ARAF: variants seen among roughly 807,000 people sequenced by gnomAD.
ARAF encodes A-Raf proto-oncogene, serine/threonine kinase, also known as serine/threonine-protein kinase A-Raf.
ARAF carries 18 observed loss-of-function variants against 48.0 expected under a neutral mutation model. That is an observed-to-expected ratio of 0.37 (90% confidence interval 0.26 to 0.56). The LOEUF is 0.56. Among genes scored for constraint, ARAF ranks in the 20% least tolerant of loss-of-function variants. The probability of loss-of-function intolerance (pLI) is 0.77; values close to 1 mark genes in which losing one functional copy is unlikely to be tolerated. For missense variants in ARAF, 389 were observed against 543.1 expected (o/e 0.72, Z 2.82); for synonymous variants, 207 against 220.1 (o/e 0.94, Z 0.53).
intron 1 of ARAF, among the ~76,000 whole-genome samples, chrX:47,561,979 C>A (rs951542034): frequency 6.1e-5 from 6 of 98,913 alleles, no homozygotes; most frequent in Admixed American, 2.2e-4. Context: ...ACCCCCCCCC[C>A]CCATGAATTC....
rs746605740 is a variant in ARAF at position 47,570,928 on chromosome X, C to G, written c.1602C>G (p.Ile534Met). Reference protein sequence around the residue: ...RGYLSPDLSKISSNCPKAMRR... With the variant: ...RGYLSPDLSKMSSNCPKAMRR... ...ATCTGTCCCCGGACCTCAGCAAAAT[C>G]TCCAGCAACTGCCCCAAGGCCATGC... Residue 534 changes from isoleucine (I) to methionine (M), a missense_variant, in exon 15 of 16, where the codon ATC becomes ATG. By Grantham distance (10) the Ile-to-Met change is conservative (BLOSUM62 1). Coordinates refer to ENST00000377045, the MANE Select transcript of ARAF (RefSeq NM_001654.5). The G allele has an allele frequency of 5.0e-6, 6 of 1,211,912 alleles. 1 individual carries two copies. In the South Asian group the frequency reaches 1.1e-4, roughly 21 times the overall value.
chrX:47,563,436 C>T, intron 3 of ARAF, 107 bp downstream of exon 3: 1 of 633,401 alleles, frequency 1.6e-6, no homozygotes, highest in Non-Finnish European at 2.5e-6. Context: ...CATTAGTCTT[C>T]CCTTAGTCTT....
At chrX:47,569,102 G>T in intron 12 of ARAF, 69 bp downstream of exon 12, 1 of 1,125,585 alleles carries the variant, frequency 8.9e-7, no homozygotes, top group Non-Finnish European at 1.2e-6. Context: ...CTCTTGTGGG[G>T]GTTCTGGGAA....
At chrX:47,565,517 C>A (rs1222859093) in intron 6 of ARAF, 167 bp downstream of exon 6, 19 of 812,680 alleles carry the variant, frequency 2.3e-5, no homozygotes, top group East Asian at 3.5e-5. Flanking sequence ...CACCTCATTT[C>A]TCTGGGCCTC....
rs1444734938 is a variant in ARAF at position 47,562,933 on chromosome X, C to T, written c.-35C>T. ...GGAGCCCCATGGCACCTGCCCAGCC[C>T]CACCTCAGCCCATCTTGACAAAATC... On this transcript the variant is annotated 5_prime_UTR_variant, in exon 2 of 16. Coordinates refer to ENST00000377045, the MANE Select transcript of ARAF (RefSeq NM_001654.5). 9.2e-7 allele frequency: 1 copy of T among 1,090,443 alleles called. No individual in the cohort carries two copies. 89.9% of individuals were successfully genotyped at this position (1,090,443 alleles called of 1,213,427 possible).
intron 15 of ARAF, 42 bp from the exon 16 acceptor site, chrX:47,571,281 A>C: frequency 8.4e-7 from 1 of 1,185,287 alleles, no homozygotes. Context: ...TGGGATGCCC[A>C]CAGGGCTCTG....
At position 47,569,951 on chromosome X, in the gene ARAF, A is replaced by G; in HGVS notation, c.1478A>G (p.Tyr493Cys). 1.7e-6 allele frequency: 2 copies of G among 1,205,388 alleles called. No homozygotes were observed. Among genetic ancestry groups the G allele is most frequent in the Non-Finnish European group, 2.2e-6 (2 of 892,669 alleles). The change falls in exon 14 of 16, where the codon TAT becomes TGT. Residue 493 changes from tyrosine to cysteine, a missense_variant. Physicochemically the swap from Tyr to Cys is radical, Grantham distance 194 (BLOSUM62 -2). Coordinates refer to ENST00000377045, the MANE Select transcript of ARAF (RefSeq NM_001654.5). ...PNPYSFQSDV[Y>C]AYGVVLYELM... ...CCCTACAGCTTCCAGTCAGACGTCT[A>G]TGCCTACGGGGTTGTGCTCTACGAG...
intron 15 of ARAF, 111 bp from the exon 16 acceptor site, chrX:47,571,212 G>T (rs1603048324): frequency 8.7e-6 from 5 of 577,771 alleles, no homozygotes; most frequent in Non-Finnish European, 9.1e-6. Flanking sequence ...GGGACTGTTG[G>T]GTGTGTGTGT....
intron 7 of ARAF, 37 bp downstream of exon 7, chrX:47,566,817 G>A (rs2147905821): frequency 8.3e-7 from 1 of 1,211,671 alleles, no homozygotes; most frequent in Non-Finnish European, 1.1e-6. Flanking sequence ...GGACCACAGG[G>A]CAGAGGGTAG....
At chrX:47,567,176 C>T (rs772778169) in intron 9 of ARAF, 45 bp downstream of exon 9, 16 of 1,207,897 alleles carry the variant, frequency 1.3e-5, no homozygotes, top group African/African-American at 3.5e-5. Flanking sequence ...GGCTGAGTGA[C>T]GTGGGATGAG....
intron 2 of ARAF, 35 bp from the exon 3 acceptor site, chrX:47,563,191 G>A (rs1032063477): frequency 7.6e-6 from 9 of 1,177,377 alleles, no homozygotes; most frequent in Middle Eastern, 2.3e-4. Flanking sequence ...CTTCTGTTGG[G>A]CATTGAGGAC....
Position 47,569,573 on chromosome X carries a change from C to T in ARAF, c.1335C>T (p.Ile445=), listed in dbSNP as rs758399040. The change falls in exon 13 of 16, where the codon ATC becomes ATT. Residue 445 remains isoleucine, a synonymous_variant. Coordinates refer to ENST00000377045, the MANE Select transcript of ARAF (RefSeq NM_001654.5). ...TACATGAGGGGCTCACGGTGAAGAT[C>T]GGTGACTTTGGCTTGGCCACAGTGA... ...IFLHEGLTVK[I]GDFGLATVKT... 2.5e-5 allele frequency: 30 copies of T among 1,207,192 alleles called. No individual in the cohort carries two copies. The highest frequency in any genetic ancestry group is 2.3e-4 in the Middle Eastern group (1 of 4,364).
intron 12 of ARAF, 104 bp from the exon 13 acceptor site, chrX:47,569,435 A>G: frequency 1.5e-6 from 1 of 658,164 alleles, no homozygotes; most frequent in Non-Finnish European, 2.4e-6. Context: ...GCTCCTGGTC[A>G]GGATCAGAGG....
At chrX:47,568,696 A>G in intron 10 of ARAF, 22 bp from the exon 11 acceptor site, 1 of 1,205,767 alleles carries the variant, frequency 8.3e-7, no homozygotes, top group Non-Finnish European at 1.1e-6. Flanking sequence ...CCCACCTCTG[A>G]CACTGCCCTC....
At chrX:47,561,552 T>C (rs991481297) in intron 1 of ARAF, among the ~76,000 whole-genome samples, 73 of 111,158 alleles carry the variant, frequency 6.6e-4, no homozygotes, top group African/African-American at 2.3e-3. Flanking sequence ...CGGGATTCCG[T>C]CTTAACCCCC....
chrX:47,562,928 C>T lies in ARAF; in HGVS notation c.-40C>T. The T allele has an allele frequency of 9.3e-7, 1 of 1,071,846 alleles. No individual in the cohort carries two copies. Among genetic ancestry groups the T allele is most frequent in the Non-Finnish European group, 1.2e-6 (1 of 800,316 alleles). The allele number at this position is 1,071,846 out of a possible 1,213,427, so 88.3% of individuals were successfully genotyped here. ...TTGTAGGAGCCCCATGGCACCTGCC[C>T]AGCCCCACCTCAGCCCATCTTGACA... is the stretch of plus-strand genomic sequence containing the variant. On this transcript the variant is annotated 5_prime_UTR_variant, in exon 2 of 16. The change creates a premature stop within an existing upstream ORF in the 5' untranslated region. Transcript: ENST00000377045.
chrX:47,567,547 C>T (rs2057739202), intron 10 of ARAF, 115 bp downstream of exon 10: 2 of 846,364 alleles, frequency 2.4e-6, no homozygotes, highest in Non-Finnish European at 3.3e-6. Context: ...GTTGTTAAAC[C>T]ATCATCAGAA....
At chrX:47,564,952 C>T in intron 4 of ARAF, 33 bp from the exon 5 acceptor site, 1 of 1,211,458 alleles carries the variant, frequency 8.3e-7, no homozygotes, top group Non-Finnish European at 1.1e-6. Flanking sequence ...TGTCCTTGAC[C>T]AGGTCTCAAA....
chrX:47,563,149 G>C, intron 2 of ARAF, 77 bp from the exon 3 acceptor site: 2 of 1,150,335 alleles, frequency 1.7e-6, no homozygotes, highest in African/African-American at 1.8e-5. Flanking sequence ...GTTGGGGGAG[G>C]CCTTTGCAGA....
Sources: gnomAD v4.1 joint callset for allele counts (sites outside exome capture counted in the v4.1 genomes callset) on GRCh38, gnomAD v4.1.1 for gene constraint, MANE v1.5 for transcripts, NCBI Gene and HGNC (gene_info 2026-07-23, HGNC 2026-07-21) for gene names.